The following NLN variants were observed in gnomAD, a reference collection of about 807,000 sequenced individuals.
NLN encodes the protein neurolysin.
NLN carries 64 observed loss-of-function variants against 79.9 expected under a neutral mutation model. The observed-to-expected ratio is 0.80, with a 90% CI of 0.65 to 0.99. NLN has a LOEUF of 0.99. NLN is among the 50% of genes least tolerant of loss of function. The pLI, the probability that NLN is intolerant of heterozygous loss-of-function variation, is 0.00. For missense variants in NLN, 835 were observed against 858.7 expected (o/e 0.97, Z 0.34); for synonymous variants, 267 against 296.6 (o/e 0.90, Z 1.02).
intron 9 of NLN, among the ~76,000 whole-genome samples, chr5:65,808,488 A>T (rs143870004): frequency 6.6e-6 from 1 of 152,326 alleles, no homozygotes; most frequent in East Asian, 1.9e-4. Context: ...CAGATGACCC[A>T]GTAGGATAAA....
At chr5:65,768,272 C>G (rs1478638375) in intron 3 of NLN, among the ~76,000 whole-genome samples, 1 of 152,080 alleles carries the variant, frequency 6.6e-6, no homozygotes, top group African/African-American at 2.4e-5. Context: ...CTCACAATTC[C>G]TCTGGGTGGG....
At chr5:65,810,461 C>G (rs1305138302) in intron 11 of NLN, among the ~76,000 whole-genome samples, 1 of 152,236 alleles carries the variant, frequency 6.6e-6, no homozygotes, top group East Asian at 1.9e-4. Flanking sequence ...CAGCTCCTCC[C>G]TCCCTGTATG....
At position 65,722,384 on chromosome 5, in the gene NLN, G is replaced by C; in HGVS notation, c.11G>C (p.Arg4Pro). 6.3e-7 allele frequency: 1 copy of C among 1,587,246 alleles called. No individual in the cohort carries two copies. The highest frequency in any genetic ancestry group is 8.6e-7 in the Non-Finnish European group (1 of 1,168,774). Residue 4 changes from arginine (R) to proline (P), a missense_variant, in exon 1 of 13, where the codon CGG (arginine) becomes CCG (proline). By Grantham distance (103) the Arg-to-Pro change is moderately radical. Transcript: ENST00000380985. The stretch of plus-strand genomic sequence containing the variant: ...CCTCTCAGCGCTCCCATGATCGCCC[G>C]GTGCCTTTTGGCTGTGCGAAGCCTC... Reference protein sequence around the residue: MIARCLLAVRSLRR... With the variant: MIAPCLLAVRSLRR...
At chr5:65,724,663 C>T (rs1303465880) in intron 1 of NLN, among the ~76,000 whole-genome samples, 1 of 152,206 alleles carries the variant, frequency 6.6e-6, no homozygotes, top group African/African-American at 2.4e-5. Flanking sequence ...TGAAACCATA[C>T]TGTTTTCTTC....
chr5:65,766,627 A>G (rs1332163479), intron 3 of NLN, among the ~76,000 whole-genome samples: 2 of 152,146 alleles, frequency 1.3e-5, no homozygotes, highest in African/African-American at 4.8e-5. Context: ...TTTCAAAACC[A>G]ATCATGCCTC....
chr5:65,769,058 G>A (rs1037747428), intron 3 of NLN, among the ~76,000 whole-genome samples: 1 of 152,236 alleles, frequency 6.6e-6, no homozygotes, highest in Non-Finnish European at 1.5e-5. Flanking sequence ...CTTCTTTCAT[G>A]AGACTCAGTG....
intron 8 of NLN, among the ~76,000 whole-genome samples, chr5:65,790,786 A>G (rs183629200): frequency 7.1e-4 from 108 of 152,160 alleles, no homozygotes; most frequent in Non-Finnish European, 9.1e-4. Context: ...AATAAAAAGT[A>G]TCAGGATATA....
chr5:65,740,796 T>C (rs1758849769), intron 1 of NLN: 1 of 148,702 alleles, frequency 6.7e-6, no homozygotes, highest in Admixed American at 6.8e-5. Flanking sequence ...CCATGCTGTT[T>C]GGTTACTATA....
At chr5:65,783,828 A>G (rs2150758776) in intron 6 of NLN, among the ~76,000 whole-genome samples, 1 of 152,296 alleles carries the variant, frequency 6.6e-6, no homozygotes, top group African/African-American at 2.4e-5. Context: ...GAAAAATCTA[A>G]TTAAACTATT....
chr5:65,762,874 A>C, intron 2 of NLN, 86 bp from the exon 3 acceptor site: 1 of 1,273,342 alleles, frequency 7.9e-7, no homozygotes, highest in South Asian at 1.4e-5. Context: ...TATTGGCATG[A>C]TCATTCATCT....
In NLN at chr5:65,791,412, G is replaced by T. The variant is rs957857262; in HGVS notation, c.1326-1042G>T. On this transcript the variant is annotated intron_variant, in intron 8 of 12. Transcript: ENST00000380985. ...ATCTCTACTAAAAATACAAAAATTA[G>T]CTGGGTGTGGTGGCAGGCACTTGTA... Among the ~76,000 whole-genome samples the T allele has an allele frequency of 3.9e-5, 6 of 152,160 alleles. No individual in the cohort carries two copies. In the East Asian group the frequency reaches 9.6e-4, roughly 24 times the overall value.
chr5:65,812,109 A>T (rs1760560398), intron 11 of NLN, 146 bp from the exon 12 acceptor site: 2 of 681,164 alleles, frequency 2.9e-6, no homozygotes, highest in Non-Finnish European at 5.2e-6. Context: ...AAGAGGACAC[A>T]TCAGCCCAAG....
intron 3 of NLN, among the ~76,000 whole-genome samples, chr5:65,768,128 G>A (rs973078926): frequency 1.3e-5 from 2 of 152,056 alleles, no homozygotes; most frequent in African/African-American, 4.8e-5. Flanking sequence ...TTTCAAAGTC[G>A]CTTCTACATT....
At chr5:65,727,211 G>T (rs888627419) in intron 1 of NLN, among the ~76,000 whole-genome samples, 1 of 152,168 alleles carries the variant, frequency 6.6e-6, no homozygotes, top group Non-Finnish European at 1.5e-5. Flanking sequence ...TGTCATCCAG[G>T]CTGAAGTGCA....
intron 6 of NLN, among the ~76,000 whole-genome samples, chr5:65,782,457 G>T (rs913211269): frequency 1.3e-5 from 2 of 152,102 alleles, no homozygotes; most frequent in African/African-American, 4.8e-5. Flanking sequence ...ATCACTTTTG[G>T]TCATAGTTCT....
chr5:65,739,835 A>AT (rs1175157430), intron 1 of NLN, among the ~76,000 whole-genome samples: 1 of 151,914 alleles, frequency 6.6e-6, no homozygotes, highest in Non-Finnish European at 1.5e-5. Flanking sequence ...TCCTTTGCCC[A>AT]TTTTTTATTG....
intron 11 of NLN, among the ~76,000 whole-genome samples, chr5:65,811,598 G>A (rs1760546550): frequency 6.6e-6 from 1 of 152,150 alleles, no homozygotes; most frequent in African/African-American, 2.4e-5. Flanking sequence ...CAGGCAGATA[G>A]ATCACTTGAG....
intron 1 of NLN, among the ~76,000 whole-genome samples, chr5:65,733,903 C>CTT (rs1230031932): frequency 8.1e-6 from 1 of 123,452 alleles, no homozygotes; most frequent in Non-Finnish European, 1.8e-5. Context: ...ATTTTTTTTT[C>CTT]TTTTTTTTTT....
intron 3 of NLN, among the ~76,000 whole-genome samples, chr5:65,772,099 T>C (rs1287663539): frequency 6.6e-6 from 1 of 152,100 alleles, no homozygotes; most frequent in Non-Finnish European, 1.5e-5. Flanking sequence ...TTTTTTGGGG[T>C]CTTAAAAGCC....
Sources: gnomAD v4.1 joint callset for allele counts (sites outside exome capture counted in the v4.1 genomes callset) on GRCh38, gnomAD v4.1.1 for gene constraint, MANE v1.5 for transcripts, NCBI Gene and HGNC (gene_info 2026-07-23, HGNC 2026-07-21) for gene names.